Variants in IDO2 observed in about 807,000 individuals in gnomAD.
The protein encoded by IDO2 is indoleamine 2,3-dioxygenase-like 1 protein.
IDO2 carries 46 observed loss-of-function variants against 45.1 expected under a neutral mutation model. That is an observed-to-expected ratio of 1.02 (90% confidence interval 0.80 to 1.30). The LOEUF (loss-of-function observed/expected upper bound fraction) is 1.30, where lower values mean the gene tolerates loss of function less well. IDO2 is among the 50% of genes most tolerant of loss of function. IDO2 has a pLI of 0.00. For synonymous variants in IDO2, 218 were observed against 184.9 expected (o/e 1.18, Z -1.45); for missense variants, 544 against 491.8 (o/e 1.11, Z -1.00).
intron 4 of IDO2, among the ~76,000 whole-genome samples, chr8:39,980,429 AGTCT>A (rs1808325821): frequency 6.6e-6 from 1 of 151,956 alleles, no homozygotes; most frequent in African/African-American, 2.4e-5. Flanking sequence ...GCCAATTATT[AGTCT>A]GTCTTTTAAT....
In IDO2 at chr8:40,013,545, C is replaced by T. The variant is rs770172171; in HGVS notation, c.720-20C>T. 6.2e-7 allele frequency: 1 copy of T among 1,607,030 alleles called. No homozygotes were observed. Among genetic ancestry groups the T allele is most frequent in the African/African-American group, 1.3e-5 (1 of 74,618 alleles). ...ACCTCCCTGCACCCCTTTCATCTCT[C>T]TCACTTTTCTCTTGCTTAGATGGAA... is the stretch of plus-strand genomic sequence containing the variant. On this transcript the variant is annotated intron_variant, in intron 9 of 10. Coordinates refer to ENST00000502986, the Ensembl canonical transcript of IDO2.
chr8:39,979,360 T>A (rs941391595), intron 4 of IDO2, among the ~76,000 whole-genome samples, 174 bp downstream of exon 4: 10 of 152,184 alleles, frequency 6.6e-5, no homozygotes, highest in East Asian at 1.9e-4. Flanking sequence ...TATTATTATT[T>A]TTTTATTTTA....
chr8:39,983,283 A>C (rs193245901), intron 5 of IDO2, among the ~76,000 whole-genome samples: 38 of 152,368 alleles, frequency 2.5e-4, no homozygotes, highest in South Asian at 2.3e-3. Context: ...ATTTGTCTAC[A>C]GAAGGAATAG....
chr8:39,995,903 G>T (rs1284162745), intron 8 of IDO2, among the ~76,000 whole-genome samples: 1 of 152,092 alleles, frequency 6.6e-6, no homozygotes, highest in African/African-American at 2.4e-5. Context: ...GAAGATGCCT[G>T]TCACCTAACG....
intron 2 of IDO2, among the ~76,000 whole-genome samples, chr8:39,956,282 C>T (rs1807889956): frequency 6.6e-6 from 1 of 152,062 alleles, no homozygotes; most frequent in South Asian, 2.1e-4. Context: ...GGCTGATCTC[C>T]AACTCCTGAC....
At chr8:39,967,029 C>T (rs1808095147) in intron 3 of IDO2, among the ~76,000 whole-genome samples, 1 of 152,168 alleles carries the variant, frequency 6.6e-6, no homozygotes, top group East Asian at 1.9e-4. Context: ...AAACCACACA[C>T]ATCCCAGAAC....
intron 1 of IDO2, among the ~76,000 whole-genome samples, chr8:39,940,986 TGAGGCAGGCG>T (rs1375973343): frequency 1.3e-5 from 2 of 149,902 alleles, no homozygotes; most frequent in African/African-American, 2.5e-5. Flanking sequence ...TTTGGGAGGC[TGAGGCAGGCG>T]GATCACCTGA....
intron 9 of IDO2, among the ~76,000 whole-genome samples, chr8:40,006,775 C>T (rs947552007): frequency 3.3e-5 from 5 of 152,062 alleles, no homozygotes; most frequent in African/African-American, 1.2e-4. Flanking sequence ...ACTCTCCTGC[C>T]TCAGCCTCCC....
chr8:40,004,521 C>CAGATGATAGAT (rs1554549450), intron 8 of IDO2, among the ~76,000 whole-genome samples: 1 of 112,828 alleles, frequency 8.9e-6, no homozygotes, highest in Admixed American at 9.9e-5. Flanking sequence ...ATTAGACAGA[C>CAGATGATAGAT]AGATGATAGA....
At chr8:39,953,167 G>T (rs1035831598) in intron 2 of IDO2, among the ~76,000 whole-genome samples, 1 of 152,156 alleles carries the variant, frequency 6.6e-6, no homozygotes, top group South Asian at 2.1e-4. Flanking sequence ...CTCATGAAGT[G>T]CTGGGATTAC....
At chr8:39,952,621 G>T (rs1807829207) in intron 2 of IDO2, among the ~76,000 whole-genome samples, 1 of 152,146 alleles carries the variant, frequency 6.6e-6, no homozygotes, top group Admixed American at 6.6e-5. Flanking sequence ...TGCCCTACGT[G>T]TGTAGAGGGG....
chr8:39,948,026 C>T (rs747901888), intron 1 of IDO2, among the ~76,000 whole-genome samples: 6 of 152,074 alleles, frequency 3.9e-5, no homozygotes, highest in Non-Finnish European at 7.4e-5. Flanking sequence ...TCAGGTGATC[C>T]GCCTGCCTTG....
chr8:39,977,265 A>G (rs539213338), intron 3 of IDO2, among the ~76,000 whole-genome samples: 13 of 152,360 alleles, frequency 8.5e-5, no homozygotes, highest in Non-Finnish European at 1.5e-4. Context: ...GCTCAATCTC[A>G]AGAATAAAAC....
intron 1 of IDO2, among the ~76,000 whole-genome samples, chr8:39,935,925 A>G (rs1055793730): frequency 3.3e-5 from 5 of 152,236 alleles, no homozygotes; most frequent in Non-Finnish European, 7.3e-5. Flanking sequence ...AGTTAAAATC[A>G]GTCATAACTG....
chr8:39,962,184 G>A (rs1416100857), intron 2 of IDO2, among the ~76,000 whole-genome samples: 1 of 152,194 alleles, frequency 6.6e-6, no homozygotes, highest in Non-Finnish European at 1.5e-5. Context: ...CAGGCCTAGA[G>A]TGGGCCATAA....
At chr8:39,970,559 T>C (rs1001775789) in intron 3 of IDO2, among the ~76,000 whole-genome samples, 1 of 152,144 alleles carries the variant, frequency 6.6e-6, no homozygotes, top group Non-Finnish European at 1.5e-5. Flanking sequence ...GCCTGACTAA[T>C]TTTTGTATCT....
chr8:39,970,845 C>A (rs1808167140), intron 3 of IDO2, among the ~76,000 whole-genome samples: 1 of 148,658 alleles, frequency 6.7e-6, no homozygotes, highest in African/African-American at 2.5e-5. Flanking sequence ...CAGCTCACTG[C>A]AATCTCTGCC....
intron 8 of IDO2, among the ~76,000 whole-genome samples, chr8:39,992,716 T>C (rs773080974): frequency 2.0e-5 from 3 of 152,204 alleles, no homozygotes; most frequent in Non-Finnish European, 4.4e-5. Flanking sequence ...GGCTGGACTT[T>C]TTCCCTCTGC....
Position 39,985,443 on chromosome 8 carries a change from CA to C in IDO2, c.435-62del. 5.7e-6 allele frequency: 8 copies of C among 1,400,350 alleles called. 1 individual carries two copies. In the South Asian group the frequency reaches 1.0e-4, roughly 17 times the overall value. The allele number at this position is 1,400,350 out of a possible 1,614,324, so 86.7% of individuals were successfully genotyped here. A position where few individuals can be genotyped will look rare whatever the true frequency, so the allele number is the denominator to read the frequency against. ...AGAAGTTATTAATATATCTGGTTTACAAACTGAATTGTTCTTTTATTTTTTT... is the reference window on the plus strand; with the variant it reads ...AGAAGTTATTAATATATCTGGTTTACAACTGAATTGTTCTTTTATTTTTTT... On this transcript the variant is annotated intron_variant, in intron 5 of 10. Coordinates refer to ENST00000502986, the Ensembl canonical transcript of IDO2.
Sources: gnomAD v4.1 joint callset for allele counts (sites outside exome capture counted in the v4.1 genomes callset) on GRCh38, gnomAD v4.1.1 for gene constraint, MANE v1.5 for transcripts, NCBI Gene and HGNC (gene_info 2026-07-23, HGNC 2026-07-21) for gene names.